The following LRP4 variants were observed in gnomAD, a reference collection of about 807,000 sequenced individuals.
LRP4 encodes the protein low-density lipoprotein receptor-related protein 4.
In LRP4, 95 loss-of-function variants were observed where a neutral mutation model predicts 220.3. The observed-to-expected ratio is 0.43, with a 90% CI of 0.37 to 0.51. LRP4 has a LOEUF of 0.51. Among genes scored for constraint, LRP4 ranks in the 20% least tolerant of loss-of-function variants. The pLI is 0.00. For synonymous variants in LRP4, 903 were observed against 954.6 expected (o/e 0.95, Z 1.00); for missense variants, 1,925 against 2,567.0 (o/e 0.75, Z 5.40).
chr11:46,868,372 G>A (rs1024196955), intron 33 of LRP4, among the ~76,000 whole-genome samples: 3 of 152,206 alleles, frequency 2.0e-5, no homozygotes, highest in African/African-American at 7.2e-5. Flanking sequence ...GCAGGGACCT[G>A]GGAATCAAGA....
At chr11:46,913,989 C>T in intron 1 of LRP4, among the ~76,000 whole-genome samples, 1 of 152,176 alleles carries the variant, frequency 6.6e-6, no homozygotes, top group Middle Eastern at 3.2e-3. Flanking sequence ...TAGCACAGAA[C>T]ACGGTAGCAT....
intron 1 of LRP4, among the ~76,000 whole-genome samples, chr11:46,915,018 G>T (rs1161232545): frequency 6.6e-6 from 1 of 152,154 alleles, no homozygotes. Context: ...AACGTGCTCT[G>T]TATCAGACAT....
intron 3 of LRP4, 139 bp downstream of exon 3, chr11:46,900,123 A>T (rs1001079228): frequency 2.1e-5 from 20 of 955,320 alleles, no homozygotes; most frequent in Non-Finnish European, 2.5e-5. Context: ...AGCTTATCTG[A>T]CTTCGAGAGG....
At chr11:46,907,940 CT>C (rs900364184) in intron 1 of LRP4, among the ~76,000 whole-genome samples, 13 of 150,064 alleles carry the variant, frequency 8.7e-5, no homozygotes, top group South Asian at 4.2e-4. Context: ...ATATAACCAT[CT>C]TTTTTTTTTC....
intron 1 of LRP4, among the ~76,000 whole-genome samples, chr11:46,904,952 G>A (rs1329231128): frequency 8.3e-6 from 1 of 121,150 alleles, no homozygotes; most frequent in Non-Finnish European, 1.6e-5. Context: ...CTCCAGCCAT[G>A]GTGACAGGAT....
intron 16 of LRP4, among the ~76,000 whole-genome samples, chr11:46,888,548 C>CAAAAAAAAA (rs71042635): frequency 0.089 from 2,769 of 31,174 alleles, 803 homozygotes; most frequent in Non-Finnish European, 0.15. Flanking sequence ...AAAACTGTCT[C>CAAAAAAAAA]AAAAAAAAAA....
chr11:46,861,671 A>G (rs1241181069), intron 37 of LRP4, among the ~76,000 whole-genome samples: 2 of 151,800 alleles, frequency 1.3e-5, no homozygotes, highest in African/African-American at 2.4e-5. Flanking sequence ...GACTACAGGC[A>G]CAAGCCACCA....
At chr11:46,884,445 T>C (rs1313535697) in intron 18 of LRP4, among the ~76,000 whole-genome samples, 1 of 149,738 alleles carries the variant, frequency 6.7e-6, no homozygotes, top group East Asian at 2.0e-4. Flanking sequence ...CTACTAAAAA[T>C]ACAAAAATTG....
intron 33 of LRP4, 109 bp from the exon 34 acceptor site, chr11:46,868,223 TC>T: frequency 7.6e-7 from 1 of 1,318,684 alleles, no homozygotes; most frequent in African/African-American, 1.5e-5. Flanking sequence ...GCTGCCCTAG[TC>T]CCAGGCACCT....
intron 36 of LRP4, among the ~76,000 whole-genome samples, chr11:46,863,536 G>A (rs1157506212): frequency 2.2e-5 from 3 of 136,984 alleles, no homozygotes; most frequent in Admixed American, 8.1e-5. Context: ...CCAGGAGTTC[G>A]AGACCAGCCT....
chr11:46,911,434 C>T (rs770191372), intron 1 of LRP4, among the ~76,000 whole-genome samples: 1 of 152,026 alleles, frequency 6.6e-6, no homozygotes, highest in Admixed American at 6.6e-5. Context: ...TAACAAACCA[C>T]ATTTGTTTAT....
chr11:46,896,371 G>T, intron 8 of LRP4, 36 bp from the exon 9 acceptor site: 1 of 1,609,820 alleles, frequency 6.2e-7, no homozygotes. Context: ...AGCAAGGCAG[G>T]GCTTGGGCCA....
Position 46,873,112 on chromosome 11 carries a change from T to C in LRP4, c.4571A>G (p.Tyr1524Cys). The C allele has an allele frequency of 6.2e-7, 1 of 1,614,198 alleles. No homozygotes were observed. Among genetic ancestry groups the C allele is most frequent in the Non-Finnish European group, 8.5e-7 (1 of 1,180,030 alleles). Residue 1524 changes from tyrosine to cysteine, a missense_variant, in exon 30 of 38, where the codon TAT (tyrosine) becomes TGT (cysteine). Physicochemically the swap from Tyr to Cys is radical, Grantham distance 194. Coordinates refer to ENST00000378623, the MANE Select transcript of LRP4 (RefSeq NM_002334.4). The surrounding 1 kb of genome is among the most constrained non-coding windows in gnomAD (Gnocchi z 4.2). ...GCAAGACTCCCACCTGCGGGTATCA[T>C]AGTCCAGGGTAAGGCCATTGGGCCA... ...LGWPNGLTLD[Y>C]DTRRIYWVDA...
chr11:46,900,537 T>C (rs952012518), intron 2 of LRP4, among the ~76,000 whole-genome samples, 159 bp from the exon 3 acceptor site: 1 of 152,142 alleles, frequency 6.6e-6, no homozygotes, highest in African/African-American at 2.4e-5. Flanking sequence ...AGTGGCGCAA[T>C]CTTGGCTCAC....
Position 46,894,779 on chromosome 11 carries a change from G to A in LRP4, c.1350C>T (p.Ile450=), listed in dbSNP as rs775906936. 4.3e-6 allele frequency: 7 copies of A among 1,614,102 alleles called. No individual in the cohort carries two copies. In the South Asian group the frequency reaches 7.7e-5, roughly 18 times the overall value. Residue 450 remains isoleucine, a synonymous_variant, in exon 12 of 38, where the codon ATC becomes ATT. Transcript: ENST00000378623. Reference sequence around the variant, plus strand: ...CAGAGCGGTGTGGCAGCACCTGCCGGATGTCGATGCGATTGGCGAACAGCA... The same window carrying A: ...CAGAGCGGTGTGGCAGCACCTGCCGAATGTCGATGCGATTGGCGAACAGCA... ...PVLLFANRID[I]RQVLPHRSEY...
At chr11:46,872,556 C>T (rs1940899657) in intron 30 of LRP4, among the ~76,000 whole-genome samples, 1 of 152,204 alleles carries the variant, frequency 6.6e-6, no homozygotes, top group Non-Finnish European at 1.5e-5. Context: ...CCAGCCTGGG[C>T]AACATAGCGA....
Position 46,899,220 on chromosome 11 carries a change from C to G in LRP4, c.547+167G>C, listed in dbSNP as rs1941612586. Among the ~76,000 whole-genome samples, 1 of 152,204 alleles carries G rather than the reference C, an allele frequency of 6.6e-6. No homozygotes were observed. The highest frequency in any genetic ancestry group is 1.5e-5 in the Non-Finnish European group (1 of 68,020). On this transcript the variant is annotated intron_variant, in intron 5 of 37. Coordinates refer to ENST00000378623, the MANE Select transcript of LRP4 (RefSeq NM_002334.4). This position sits in a 1 kb window ranked among gnomAD's most constrained non-coding sequence, Gnocchi z 5.9. ...GTGGACCAAAGGAAGCCTTCCCTTCCCACCTGGGGAACTTGCTCCCTCCCT... is the reference window on the plus strand; with the variant it reads ...GTGGACCAAAGGAAGCCTTCCCTTCGCACCTGGGGAACTTGCTCCCTCCCT...
In LRP4 at chr11:46,879,312, G is replaced by A. The variant is rs1236165432; in HGVS notation, c.2818C>T (p.Leu940=). 2 of 1,613,880 alleles carry A rather than the reference G, an allele frequency of 1.2e-6. No homozygotes were observed. Among genetic ancestry groups the A allele is most frequent in the East Asian group, 2.2e-5 (1 of 44,894 alleles). Residue 940 remains leucine, a synonymous_variant, in exon 21 of 38, where the codon CTG becomes TTG. Transcript: ENST00000378623. ...GGGTGGGGGAGCTGGCTTCCAATCAGCACCTGCCAGGGCCCCAACACTGTG... is the reference window on the plus strand; with the variant it reads ...GGGTGGGGGAGCTGGCTTCCAATCAACACCTGCCAGGGCCCCAACACTGTG... ...AGLDGSKRKV[L]IGSQLPHPFG...
rs1364501107 is a variant in LRP4 at position 46,896,345 on chromosome 11, T to A, written c.923-10A>T. 2 of 1,612,976 alleles carry A rather than the reference T, an allele frequency of 1.2e-6. No homozygotes were observed. Among genetic ancestry groups the A allele is most frequent in the African/African-American group, 1.3e-5 (1 of 74,904 alleles). ...GCACATTGGGGGCTTCCTAGAGAGA[T>A]GGAGGGTCAGGTCATAGCAAGGCAG... On this transcript the variant is annotated splice_polypyrimidine_tract_variant and intron_variant, in intron 8 of 37. Transcript: ENST00000378623.
Sources: gnomAD v4.1 joint callset for allele counts (sites outside exome capture counted in the v4.1 genomes callset) on GRCh38, gnomAD v4.1.1 for gene constraint, Gnocchi (gnomAD v3.1) non-coding constraint, MANE v1.5 for transcripts, NCBI Gene and HGNC (gene_info 2026-07-23, HGNC 2026-07-21) for gene names.